Variants in DTYMK observed in about 807,000 individuals in gnomAD.
DTYMK encodes deoxythymidylate kinase, also known as thymidylate kinase.
DTYMK carries 20 observed loss-of-function variants against 20.3 expected under a neutral mutation model. The observed-to-expected ratio is 0.99, with a 90% CI of 0.69 to 1.43. The LOEUF is 1.43. Among genes scored for constraint, DTYMK ranks in the 40% most tolerant of loss-of-function variants. The pLI, the probability that DTYMK is intolerant of heterozygous loss-of-function variation, is 0.00. For synonymous variants in DTYMK, 148 were observed against 124.4 expected, an observed-to-expected ratio of 1.19 and a Z score of -1.27; for missense variants, 320 against 291.1, an observed-to-expected ratio of 1.10 and a Z score of -0.72.
In DTYMK at chr2:241,686,801, C is replaced by T; in HGVS notation, c.-18G>A. On this transcript the variant is annotated 5_prime_UTR_variant, in exon 1 of 5. Transcript: ENST00000305784. ...GCCGCCATGACTGTCCACCGCCCGC[C>T]GCTGGCGTCTCCACGCAGCCTTCCG... 2 of 1,444,612 alleles carry T rather than the reference C, an allele frequency of 1.4e-6. No individual in the cohort carries two copies. Among genetic ancestry groups the T allele is most frequent in the African/African-American group, 1.5e-5 (1 of 67,292 alleles). 89.5% of individuals were successfully genotyped at this position (1,444,612 alleles called of 1,614,324 possible). A position where few individuals can be genotyped will look rare whatever the true frequency, so the allele number is the denominator to read the frequency against.
In DTYMK at chr2:241,680,218, G is replaced by A. The variant is rs201319793; in HGVS notation, c.330+11C>T. On this transcript the variant is annotated intron_variant, in intron 3 of 4. Transcript: ENST00000305784. ...CTGTGCTCGCCTGACAGGAGGCCAAGTGGCACTCACCTCCTTGGCACCGGT... is the reference window on the plus strand; with the variant it reads ...CTGTGCTCGCCTGACAGGAGGCCAAATGGCACTCACCTCCTTGGCACCGGT... 10 of 1,613,948 alleles carry A rather than the reference G, an allele frequency of 6.2e-6. No individual in the cohort carries two copies. In the African/African-American group the frequency reaches 1.2e-4, roughly 19 times the overall value.
chr2:241,683,181 G>A (rs1420341403), intron 2 of DTYMK, among the ~76,000 whole-genome samples: 1 of 152,194 alleles, frequency 6.6e-6, no homozygotes, highest in Admixed American at 6.5e-5. Context: ...CACATCATAT[G>A]TCAGCAGGGA....
intron 2 of DTYMK, among the ~76,000 whole-genome samples, chr2:241,683,377 C>T (rs973233247): frequency 1.3e-5 from 2 of 152,258 alleles, no homozygotes; most frequent in African/African-American, 2.4e-5. Flanking sequence ...ACCCAAGGCC[C>T]GCAGGCTGCA....
chr2:241,679,902 G>A (rs1243333898), intron 3 of DTYMK, among the ~76,000 whole-genome samples: 1 of 150,688 alleles, frequency 6.6e-6, no homozygotes, highest in Admixed American at 6.6e-5. Flanking sequence ...TCAGGAGGCA[G>A]AGGTTGCAAT....
At chr2:241,684,779 TAGG>T in intron 2 of DTYMK, 1 of 457,316 alleles carries the variant, frequency 2.2e-6, no homozygotes, top group Non-Finnish European at 4.5e-6. Context: ...AAAAAGGTGG[TAGG>T]AGAGTTCATA....
Position 241,686,637 on chromosome 2 carries a change from C to G in DTYMK, c.130+17G>C, listed in dbSNP as rs563449193. 6.0e-6 allele frequency: 9 copies of G among 1,496,042 alleles called. No individual in the cohort carries two copies. Among genetic ancestry groups the G allele is most frequent in the Non-Finnish European group, 7.9e-6 (9 of 1,135,618 alleles). The allele number at this position is 1,496,042 out of a possible 1,614,324, so 92.7% of individuals were successfully genotyped here. A position where few individuals can be genotyped will look rare whatever the true frequency, so the allele number is the denominator to read the frequency against. On this transcript the variant is annotated intron_variant, in intron 1 of 4. Transcript: ENST00000305784. ...GGCACCGAAGGCCGCGGCGCACCCC[C>G]CGCCGCGCGCACCCACCCGGGAACC...
intron 2 of DTYMK, chr2:241,682,838 C>T (rs956311599): frequency 1.5e-4 from 26 of 175,282 alleles, no homozygotes; most frequent in Admixed American, 4.4e-4. Flanking sequence ...GCAGGAGAAT[C>T]GCTTGAACCT....
chr2:241,683,477 C>T (rs757856199), intron 2 of DTYMK, among the ~76,000 whole-genome samples: 19 of 152,004 alleles, frequency 1.2e-4, no homozygotes, highest in Non-Finnish European at 2.5e-4. Flanking sequence ...GTATTTTATG[C>T]GTGGCCCAAG....
rs751940914 is a variant in DTYMK, at chr2:241,676,208, A to C, written c.558T>G (p.Ala186=). 3 of 1,612,816 alleles carry C rather than the reference A, an allele frequency of 1.9e-6. No homozygotes were observed. Among genetic ancestry groups the C allele is most frequent in the Non-Finnish European group, 2.5e-6 (3 of 1,179,648 alleles). ...AGAGCACGCGGATGTCCTCATGGAC[A>C]GCTTCGATGCTTTTGGAAGCATCCA... ...KMVDASKSIE[A]VHEDIRVLSE... Residue 186 remains alanine (A), a synonymous_variant, in exon 5 of 5, where the codon GCT becomes GCG. Transcript: ENST00000305784.
At chr2:241,685,009 T>C (rs1410881227) in intron 2 of DTYMK, 7 of 200,444 alleles carry the variant, frequency 3.5e-5, no homozygotes, top group African/African-American at 1.2e-4. Flanking sequence ...GGGCGTGATA[T>C]GGTGAGACCT....
Position 241,679,308 on chromosome 2 carries a change from G to A in DTYMK, c.331-659C>T, listed in dbSNP as rs553521245. ...ACATCACACAACAGCACAATGAGCT[G>A]AGGGAAGGCGTCCACGAGAACCTCC... On this transcript the variant is annotated intron_variant, in intron 3 of 4. Transcript: ENST00000305784. Among the ~76,000 whole-genome samples the A allele has an allele frequency of 8.3e-4, 126 of 152,348 alleles. 1 individual carries two copies. The highest frequency in any genetic ancestry group is 2.9e-3 in the African/African-American group (119 of 41,582).
At chr2:241,683,989 G>A (rs772271923) in intron 2 of DTYMK, among the ~76,000 whole-genome samples, 14 of 151,994 alleles carry the variant, frequency 9.2e-5, no homozygotes, top group Non-Finnish European at 1.6e-4. Context: ...CCCGGGAGGC[G>A]GCGGTTGCAG....
In DTYMK at chr2:241,678,644, A is replaced by C; in HGVS notation, c.336T>G (p.Phe112Leu). 1 of 1,614,044 alleles carries C rather than the reference A, an allele frequency of 6.2e-7. No homozygotes were observed. Among genetic ancestry groups the C allele is most frequent in the Non-Finnish European group, 8.5e-7 (1 of 1,179,996 alleles). ...GVAFTGAKEN[F>L]SLDWCKQPDV... ...CTGGCTGTTTACACCAATCTAGGGA[A>C]AAATTCTGCCAAGAAAGAACCCAAC... The change falls in exon 4 of 5, where the codon TTT (phenylalanine) becomes TTG (leucine). Residue 112 changes from phenylalanine (F) to leucine (L), a missense_variant. Coordinates refer to ENST00000305784, the MANE Select transcript of DTYMK (RefSeq NM_012145.4).
In DTYMK at chr2:241,684,875, G is replaced by A. The variant is rs976178562; in HGVS notation, c.239+894C>T. On this transcript the variant is annotated intron_variant, in intron 2 of 4. Coordinates refer to ENST00000305784, the MANE Select transcript of DTYMK (RefSeq NM_012145.4). Reference sequence around the variant, plus strand: ...CACAGCACATAAATAATGGGGAAGGGGGGAAGGCAGGGGTAGTATGTAGGG... The same window carrying A: ...CACAGCACATAAATAATGGGGAAGGAGGGAAGGCAGGGGTAGTATGTAGGG... The A allele has an allele frequency of 3.0e-5, 12 of 397,454 alleles. No individual in the cohort carries two copies. In the Admixed American group the frequency reaches 4.1e-4, roughly 13 times the overall value. The allele number at this position is 397,454 out of a possible 1,614,324, so 24.6% of individuals were successfully genotyped here.
intron 4 of DTYMK, among the ~76,000 whole-genome samples, chr2:241,677,595 C>T (rs370164826): frequency 1.6e-4 from 25 of 152,202 alleles, no homozygotes; most frequent in African/African-American, 5.8e-4. Flanking sequence ...AAAGAGGCCA[C>T]GTGGGCAGCG....
intron 3 of DTYMK, among the ~76,000 whole-genome samples, chr2:241,679,561 G>C (rs1443391979): frequency 6.6e-6 from 1 of 152,230 alleles, no homozygotes; most frequent in Non-Finnish European, 1.5e-5. Context: ...TTGGGCCCAA[G>C]AGTTGTTATA....
In DTYMK at chr2:241,678,718, C is replaced by A; in HGVS notation, c.331-69G>T. The A allele has an allele frequency of 1.2e-5, 19 of 1,555,946 alleles. No homozygotes were observed. The Admixed American group carries it at 1.7e-4, about 14-fold the overall frequency. On this transcript the variant is annotated intron_variant, in intron 3 of 4. Coordinates refer to ENST00000305784, the MANE Select transcript of DTYMK (RefSeq NM_012145.4). The stretch of plus-strand genomic sequence containing the variant: ...GTTTTTGTTTCGAAAGTCGTAAAAA[C>A]AGGAAAAAATGAGGGGACATTTGGT...
Position 241,686,711 on chromosome 2 carries a change from T to G in DTYMK, c.73A>C (p.Lys25Gln). 2 of 1,543,262 alleles carry G rather than the reference T, an allele frequency of 1.3e-6. No homozygotes were observed. Among genetic ancestry groups the G allele is most frequent in the Non-Finnish European group, 1.7e-6 (2 of 1,157,292 alleles). Residue 25 changes from lysine (K) to glutamine (Q), a missense_variant, in exon 1 of 5, where the codon AAG becomes CAG. Lys to Gln is a moderately conservative substitution (Grantham distance 53). Coordinates refer to ENST00000305784, the MANE Select transcript of DTYMK (RefSeq NM_012145.4). ...DRAGKSTQSR[K>Q]LVEALCAAGH... ...GCGGCGCACAGCGCTTCCACCAGCT[T>G]GCGGCTCTGCGTGCTCTTCCCGGCG...
chr2:241,678,721 G>GA (rs1339293969), intron 3 of DTYMK, 72 bp from the exon 4 acceptor site: 4 of 1,533,560 alleles, frequency 2.6e-6, no homozygotes, highest in African/African-American at 2.8e-5. Flanking sequence ...GTAAAAACAG[G>GA]AAAAAATGAG....
Sources: gnomAD v4.1 joint callset for allele counts (sites outside exome capture counted in the v4.1 genomes callset) on GRCh38, gnomAD v4.1.1 for gene constraint, MANE v1.5 for transcripts, NCBI Gene and HGNC (gene_info 2026-07-23, HGNC 2026-07-21) for gene names.